Variants in CFH observed in about 807,000 individuals in gnomAD.
CFH encodes the protein complement factor H.
A neutral mutation model predicts 147.3 loss-of-function variants in CFH; 53 were observed. That is an observed-to-expected ratio of 0.36 (90% CI 0.29 to 0.45). The LOEUF is 0.45. Ranked by LOEUF, CFH falls within the 20% of genes least tolerant of loss-of-function variation. CFH has a pLI of 1.00. For synonymous variants in CFH, 536 were observed against 489.4 expected (o/e 1.10, Z -1.26); for missense variants, 1,380 against 1,498.0 (o/e 0.92, Z 1.30).
At chr1:196,692,613 T>A (rs1430415572) in intron 9 of CFH, among the ~76,000 whole-genome samples, 2 of 150,838 alleles carry the variant, frequency 1.3e-5, no homozygotes, top group African/African-American at 4.9e-5. Context: ...TTTCTTTTTC[T>A]TTCTTTCATT....
chr1:196,683,908 A>T (rs1667738759), intron 6 of CFH, among the ~76,000 whole-genome samples: 1 of 151,860 alleles, frequency 6.6e-6, no homozygotes, highest in Admixed American at 6.6e-5. Context: ...GAAATCAAAT[A>T]GTAAATAAAT....
chr1:196,675,900 G>A, intron 3 of CFH, 89 bp from the exon 4 acceptor site: 1 of 793,942 alleles, frequency 1.3e-6, no homozygotes, highest in South Asian at 1.5e-5. Context: ...TCCTTAATAT[G>A]GAGTTTCTGG....
chr1:196,707,369 CA>C lies in CFH; in HGVS notation c.1337-6363del, dbSNP rs1668615895. Among the ~76,000 whole-genome samples the C allele has an allele frequency of 2.0e-5, 3 of 152,154 alleles. No homozygotes were observed. The East Asian group carries it at 5.8e-4, about 29-fold the overall frequency. On this transcript the variant is annotated intron_variant, in intron 9 of 21. Transcript: ENST00000367429. ...TACACATAAATAAATTAGATATTAT[CA>C]AATATACACAATCTTTAGGTTGTAC...
intron 3 of CFH, among the ~76,000 whole-genome samples, chr1:196,674,427 C>A (rs1365729662): frequency 1.3e-5 from 2 of 152,150 alleles, no homozygotes; most frequent in East Asian, 1.9e-4. Flanking sequence ...CCCAGGTCTG[C>A]AAATTATTCT....
At chr1:196,701,574 G>A (rs1475673908) in intron 9 of CFH, 1 of 548,558 alleles carries the variant, frequency 1.8e-6, no homozygotes, top group African/African-American at 1.9e-5. Flanking sequence ...AAACCCCACT[G>A]TCTCAGTGTA....
chr1:196,668,605 A>C (rs575828598), intron 1 of CFH, among the ~76,000 whole-genome samples: 1 of 152,250 alleles, frequency 6.6e-6, no homozygotes, highest in Non-Finnish European at 1.5e-5. Flanking sequence ...TGTTCTCATG[A>C]TAGTGAGTGA....
At chr1:196,734,991 A>T (rs1325556502) in intron 15 of CFH, among the ~76,000 whole-genome samples, 1 of 152,114 alleles carries the variant, frequency 6.6e-6, no homozygotes, top group Non-Finnish European at 1.5e-5. Context: ...TCTTAGGGTG[A>T]AAAATGAAAA....
intron 15 of CFH, among the ~76,000 whole-genome samples, chr1:196,731,738 G>T (rs1464454735): frequency 2.0e-5 from 3 of 151,658 alleles, no homozygotes; most frequent in African/African-American, 7.3e-5. Context: ...TCACTCCTTT[G>T]TTTTTAAGAC....
intron 9 of CFH, among the ~76,000 whole-genome samples, chr1:196,703,858 C>T (rs1224829187): frequency 6.6e-6 from 1 of 151,362 alleles, no homozygotes; most frequent in African/African-American, 2.4e-5. Context: ...GTGGTGGGCA[C>T]CTGTAGTCCC....
At chr1:196,713,022 A>G (rs1235667718) in intron 9 of CFH, among the ~76,000 whole-genome samples, 1 of 151,764 alleles carries the variant, frequency 6.6e-6, no homozygotes, top group Non-Finnish European at 1.5e-5. Flanking sequence ...ATCATTGTTG[A>G]ACATTTGGGT....
chr1:196,744,491 T>G lies in CFH; in HGVS notation c.3310+863T>G, dbSNP rs1652933911. ...TTTCCATTCTATCTCTTTGTATAGC[T>G]TTTCTCCTCCTTTTAAAAAGTTGTT... On this transcript the variant is annotated intron_variant, in intron 20 of 21. Coordinates refer to ENST00000367429, the MANE Select transcript of CFH (RefSeq NM_000186.4). 3.3e-5 allele frequency among the ~76,000 whole-genome samples: 5 copies of G among 152,258 alleles called. No homozygotes were observed. In the South Asian group the frequency reaches 1.0e-3, roughly 32 times the overall value.
intron 5 of CFH, 93 bp from the exon 6 acceptor site, chr1:196,679,530 T>C: frequency 1.0e-6 from 1 of 977,316 alleles, no homozygotes. Flanking sequence ...ATTTACCTGA[T>C]GGAAACAACA....
chr1:196,701,336 C>T (rs751589707), intron 9 of CFH: 1 of 1,613,754 alleles, frequency 6.2e-7, no homozygotes, highest in Non-Finnish European at 8.5e-7. Flanking sequence ...CTCTGAACTT[C>T]TGATCGAAGG....
intron 6 of CFH, among the ~76,000 whole-genome samples, chr1:196,681,334 T>C (rs1667648069): frequency 6.6e-6 from 1 of 151,634 alleles, no homozygotes; most frequent in Admixed American, 6.6e-5. Context: ...TTTTTTCGTC[T>C]CTTTTACTTC....
At chr1:196,685,438 A>G (rs1174634922) in intron 7 of CFH, among the ~76,000 whole-genome samples, 2 of 152,122 alleles carry the variant, frequency 1.3e-5, no homozygotes, top group African/African-American at 2.4e-5. Flanking sequence ...GTGTTTATGA[A>G]TGTATGTTTC....
intron 15 of CFH, 35 bp downstream of exon 15, chr1:196,728,557 A>C: frequency 6.2e-7 from 1 of 1,600,678 alleles, no homozygotes; most frequent in South Asian, 1.1e-5. Context: ...AATGTATTCT[A>C]TTTCTCATTT....
rs201671665 is a variant in CFH at position 196,690,101 on chromosome 1, C to A, written c.1198C>A (p.Gln400Lys). The A allele has an allele frequency of 1.6e-4, 252 of 1,611,442 alleles. No homozygotes were observed. Among genetic ancestry groups the A allele is most frequent in the Non-Finnish European group, 2.1e-4 (245 of 1,178,312 alleles). Reference sequence around the variant, plus strand: ...TCCTTATTTGGAAAATGGATATAATCAAAATCATGGAAGAAAGTTTGTACA... The same window carrying A: ...TCCTTATTTGGAAAATGGATATAATAAAAATCATGGAAGAAAGTTTGTACA... ...YFPYLENGYN[Q>K]NHGRKFVQGK... Residue 400 changes from glutamine (Q) to lysine (K), a missense_variant, in exon 9 of 22, where the codon CAA (glutamine) becomes AAA (lysine). By Grantham distance (53) the Gln-to-Lys change is moderately conservative (BLOSUM62 1). Transcript: ENST00000367429.
intron 1 of CFH, among the ~76,000 whole-genome samples, chr1:196,652,568 A>G (rs955307236): frequency 2.6e-5 from 4 of 151,918 alleles, no homozygotes; most frequent in Admixed American, 2.6e-4. Flanking sequence ...CCATCAAATC[A>G]TAATGATTAG....
At chr1:196,698,376 A>G (rs901613305) in intron 9 of CFH, among the ~76,000 whole-genome samples, 14 of 152,142 alleles carry the variant, frequency 9.2e-5, no homozygotes, top group African/African-American at 3.4e-4. Flanking sequence ...CACAATAAAA[A>G]TGATAAAGAG....
Sources: gnomAD v4.1 joint callset for allele counts (sites outside exome capture counted in the v4.1 genomes callset) on GRCh38, gnomAD v4.1.1 for gene constraint, MANE v1.5 for transcripts, NCBI Gene and HGNC (gene_info 2026-07-23, HGNC 2026-07-21) for gene names.